The following NEDD9 variants were observed in gnomAD, a reference collection of about 807,000 sequenced individuals.
The protein encoded by NEDD9 is enhancer of filamentation 1.
A neutral mutation model predicts 76.6 loss-of-function variants in NEDD9; 26 were observed. The observed-to-expected ratio is 0.34, with a 90% CI of 0.25 to 0.47. The LOEUF is 0.47. Among genes scored for constraint, NEDD9 ranks in the 20% least tolerant of loss-of-function variants. The pLI, the probability that NEDD9 is intolerant of heterozygous loss-of-function variation, is 1.00. For missense variants in NEDD9, 937 were observed against 1,058.5 expected, an observed-to-expected ratio of 0.89 and a Z score of 1.59; for synonymous variants, 392 against 414.2, an observed-to-expected ratio of 0.95 and a Z score of 0.65.
chr6:11,353,766 C>T (rs2113539268), intron 1 of NEDD9, among the ~76,000 whole-genome samples: 1 of 152,260 alleles, frequency 6.6e-6, no homozygotes, highest in Admixed American at 6.5e-5. Context: ...AGATGTATTA[C>T]ATGATTATAT....
chr6:11,214,979 C>T (rs77808140), intron 1 of NEDD9, among the ~76,000 whole-genome samples: 4,995 of 152,286 alleles, frequency 0.033, 246 homozygotes, highest in African/African-American at 0.11. Context: ...CTATTTTCTT[C>T]TCTAGCAACG....
intron 2 of NEDD9, among the ~76,000 whole-genome samples, chr6:11,204,977 G>C (rs1758565763): frequency 6.6e-6 from 1 of 152,044 alleles, no homozygotes; most frequent in South Asian, 2.1e-4. Flanking sequence ...GGGAGCCCTG[G>C]GCAGCAACTT....
intron 3 of NEDD9, among the ~76,000 whole-genome samples, chr6:11,247,342 A>G (rs1476144996): frequency 1.3e-5 from 2 of 152,192 alleles, no homozygotes; most frequent in African/African-American, 4.8e-5. Flanking sequence ...ATTGTCTGCC[A>G]TGTATGAATC....
intron 5 of NEDD9, among the ~76,000 whole-genome samples, chr6:11,189,277 G>C (rs940425929): frequency 6.6e-6 from 1 of 152,210 alleles, no homozygotes; most frequent in Admixed American, 6.5e-5. Flanking sequence ...AAGTGGAAGG[G>C]AAAGCTGTCG....
In NEDD9 at chr6:11,350,353, T is replaced by A. The variant is rs1215326057; in HGVS notation, c.-213-15792A>T. Reference sequence around the variant, plus strand: ...TCAAGGGTATACATACAAAGTCTTGTATCATCTGGGCAGGGCCAAAGATGC... The same window carrying A: ...TCAAGGGTATACATACAAAGTCTTGAATCATCTGGGCAGGGCCAAAGATGC... On this transcript the variant is annotated intron_variant, in intron 1 of 3. Coordinates refer to the NEDD9 transcript ENST00000397378. 1.3e-5 allele frequency among the ~76,000 whole-genome samples: 2 copies of A among 152,358 alleles called. 1 individual carries two copies. Among genetic ancestry groups the A allele is most frequent in the South Asian group, 4.1e-4 (2 of 4,834 alleles).
intron 3 of NEDD9, among the ~76,000 whole-genome samples, chr6:11,281,871 C>A (rs1415469120): frequency 1.3e-5 from 2 of 152,108 alleles, no homozygotes; most frequent in African/African-American, 4.8e-5. Context: ...CCTCAGCATC[C>A]TGGGTAGCTG....
In NEDD9 at chr6:11,190,383, G is replaced by A; in HGVS notation, c.1486C>T (p.His496Tyr). 1 of 1,614,194 alleles carries A rather than the reference G, an allele frequency of 6.2e-7. No individual in the cohort carries two copies. Among genetic ancestry groups the A allele is most frequent in the Non-Finnish European group, 8.5e-7 (1 of 1,180,038 alleles). Residue 496 changes from histidine (H) to tyrosine (Y), a missense_variant, in exon 5 of 7, where the codon CAC becomes TAC. Transcript: ENST00000379446. The surrounding 1 kb of genome is among the most constrained non-coding windows in gnomAD (Gnocchi z 5.8). ...KRELQRVEDSHQILSQTSHDL... is the reference protein window; with the variant it reads ...KRELQRVEDSYQILSQTSHDL... Reference sequence around the variant, plus strand: ...TGGCTGGTTTGACTCAGGATCTGGTGGGAGTCTTCAACTCGTTGCAGCTCC... The same window carrying A: ...TGGCTGGTTTGACTCAGGATCTGGTAGGAGTCTTCAACTCGTTGCAGCTCC...
intron 3 of NEDD9, among the ~76,000 whole-genome samples, chr6:11,239,973 G>A (rs1055907294): frequency 6.6e-6 from 1 of 151,404 alleles, no homozygotes; most frequent in African/African-American, 2.4e-5. Context: ...GAACCCGGGA[G>A]GCGGAGATTT....
intron 1 of NEDD9, among the ~76,000 whole-genome samples, chr6:11,364,262 T>C (rs2113558524): frequency 6.6e-6 from 1 of 152,310 alleles, no homozygotes; most frequent in Non-Finnish European, 1.5e-5. Context: ...AGGAGTTAAG[T>C]ATGTCCTGTG....
At chr6:11,237,122 C>T (rs1157118405), upstream of NEDD9, among the ~76,000 whole-genome samples, 1 of 152,186 alleles carries the variant, frequency 6.6e-6, no homozygotes, top group Non-Finnish European at 1.5e-5. The surrounding 1 kb of genome is among the most constrained non-coding windows in gnomAD (Gnocchi z 4.9). Context: ...CCCACCTCGC[C>T]CTTTCAGAAC....
chr6:11,243,607 C>T (rs891720918), intron 3 of NEDD9, among the ~76,000 whole-genome samples: 13 of 152,212 alleles, frequency 8.5e-5, no homozygotes, highest in Non-Finnish European at 1.3e-4. Flanking sequence ...CTTGTTATTT[C>T]CCCTGTTATG....
intron 2 of NEDD9, chr6:11,328,446 G>A (rs926609413): frequency 6.6e-6 from 1 of 152,212 alleles, no homozygotes; most frequent in Non-Finnish European, 1.5e-5. Flanking sequence ...GAAGCAGATT[G>A]ATTCTAATTG....
intron 2 of NEDD9, among the ~76,000 whole-genome samples, chr6:11,324,002 T>C (rs927140576): frequency 4.6e-5 from 7 of 152,166 alleles, no homozygotes; most frequent in African/African-American, 1.7e-4. Context: ...GGTAGAGGGA[T>C]GAGAGGAGCT....
intron 3 of NEDD9, among the ~76,000 whole-genome samples, chr6:11,239,681 G>A (rs559723800): frequency 3.9e-5 from 6 of 152,120 alleles, no homozygotes; most frequent in South Asian, 4.1e-4. Flanking sequence ...ACCTTACCCC[G>A]AACTACCTCG....
intron 1 of NEDD9, among the ~76,000 whole-genome samples, chr6:11,218,569 T>C (rs552149758): frequency 7.3e-4 from 111 of 152,278 alleles, no homozygotes; most frequent in Admixed American, 2.0e-3. Context: ...CAAATTCCTT[T>C]TGCATTTCCA....
At chr6:11,340,940 C>T (rs763210192) in intron 1 of NEDD9, among the ~76,000 whole-genome samples, 1 of 152,168 alleles carries the variant, frequency 6.6e-6, no homozygotes, top group Non-Finnish European at 1.5e-5. Context: ...GACCTACTGT[C>T]CTACTCTCTC....
At chr6:11,220,060 A>G (rs1314069619) in intron 1 of NEDD9, among the ~76,000 whole-genome samples, 1 of 152,168 alleles carries the variant, frequency 6.6e-6, no homozygotes, top group African/African-American at 2.4e-5. Flanking sequence ...TTTTCCCAGT[A>G]CTATTTGTCG....
rs143193412 is a variant in NEDD9, at chr6:11,190,042, C to T, written c.1827G>A (p.Lys609=). The part of the protein sequence containing the change: ...HNKALPPGLS[K]EQAPDCSSSD... ...TGCTGCTACAGTCAGGGGCCTGCTC[C>T]TTGCTCAGGCCTGGGGGCAGTGCCT... The change falls in exon 5 of 7, where the codon AAG becomes AAA. Residue 609 remains lysine, a synonymous_variant. Coordinates refer to ENST00000379446, the MANE Select transcript of NEDD9 (RefSeq NM_006403.4). This position sits in a 1 kb window ranked among gnomAD's most constrained non-coding sequence, Gnocchi z 5.8. 8.2e-5 allele frequency: 128 copies of T among 1,570,162 alleles called. No homozygotes were observed. In the African/African-American group the frequency reaches 1.3e-3, roughly 16 times the overall value.
chr6:11,249,348 G>A, intron 3 of NEDD9: 4 of 374,808 alleles, frequency 1.1e-5, no homozygotes, highest in South Asian at 6.1e-5. Context: ...TTGGTTCAGG[G>A]CTCTATAAAG....
Sources: allele counts gnomAD v4.1 joint callset (sites outside exome capture counted in the v4.1 genomes callset), GRCh38; gene constraint gnomAD v4.1.1; non-coding constraint Gnocchi (gnomAD v3.1); transcripts MANE v1.5; gene names NCBI Gene and HGNC (gene_info 2026-07-23, HGNC 2026-07-21).